FNDC3B: variants seen among roughly 807,000 people sequenced by gnomAD.
FNDC3B encodes the protein fibronectin type III domain-containing protein 3B.
FNDC3B carries 12 observed loss-of-function variants against 151.5 expected under a neutral mutation model. The observed-to-expected ratio is 0.08, with a 90% CI of 0.05 to 0.13. The LOEUF is 0.13. Among genes scored for constraint, FNDC3B ranks in the 10% least tolerant of loss-of-function variants. FNDC3B has a pLI of 1.00. For missense variants in FNDC3B, 1,214 were observed against 1,505.3 expected, an observed-to-expected ratio of 0.81 and a Z score of 3.20; for synonymous variants, 528 against 549.0, an observed-to-expected ratio of 0.96 and a Z score of 0.54.
intron 1 of FNDC3B, among the ~76,000 whole-genome samples, chr3:172,042,621 T>C (rs1369291773): frequency 1.3e-5 from 2 of 152,220 alleles, no homozygotes; most frequent in African/African-American, 4.8e-5. Context: ...CGATTTAGGT[T>C]GTGTTATGCA....
chr3:172,274,278 A>G (rs112827182), intron 6 of FNDC3B, among the ~76,000 whole-genome samples: 3,132 of 152,230 alleles, frequency 0.021, 50 homozygotes, highest in Non-Finnish European at 0.029. Flanking sequence ...TAATGTAATT[A>G]TTTTATCCTG....
At chr3:172,153,097 GGT>G (rs1722314437) in intron 3 of FNDC3B, among the ~76,000 whole-genome samples, 1 of 152,214 alleles carries the variant, frequency 6.6e-6, no homozygotes, top group Admixed American at 6.5e-5. Context: ...TGGTTGATGG[GGT>G]GTGCAGAATT....
chr3:172,277,247 A>G (rs1301077176), intron 6 of FNDC3B, among the ~76,000 whole-genome samples: 1 of 152,234 alleles, frequency 6.6e-6, no homozygotes, highest in Non-Finnish European at 1.5e-5. Flanking sequence ...GTGTTTTGCT[A>G]TAATTATAGC....
chr3:172,307,700 A>C (rs1196468105), intron 10 of FNDC3B, among the ~76,000 whole-genome samples, 199 bp downstream of exon 10: 3 of 152,112 alleles, frequency 2.0e-5, no homozygotes, highest in African/African-American at 7.2e-5. Context: ...GAGTTAATAT[A>C]AGGTCAGTCT....
chr3:172,130,547 C>A (rs1476393761), intron 2 of FNDC3B, among the ~76,000 whole-genome samples: 1 of 152,094 alleles, frequency 6.6e-6, no homozygotes, highest in East Asian at 1.9e-4. Context: ...TATAAGTGGA[C>A]CTTAGAGGCT....
intron 6 of FNDC3B, among the ~76,000 whole-genome samples, chr3:172,258,877 C>A (rs1189952353): frequency 6.6e-6 from 1 of 152,108 alleles, no homozygotes; most frequent in Non-Finnish European, 1.5e-5. Context: ...TGGCAGATTT[C>A]CTCTTTCTCT....
chr3:172,338,558 A>G (rs541882534), intron 16 of FNDC3B, among the ~76,000 whole-genome samples: 23 of 152,280 alleles, frequency 1.5e-4, no homozygotes, highest in African/African-American at 4.8e-4. Context: ...GTGGATTAAC[A>G]TGGGACAAAT....
chr3:172,110,876 C>T (rs1719926004), intron 1 of FNDC3B, among the ~76,000 whole-genome samples: 1 of 151,974 alleles, frequency 6.6e-6, no homozygotes, highest in African/African-American at 2.4e-5. Context: ...GGTGGATCAC[C>T]TGAGGTCATG....
chr3:172,100,836 G>A (rs1719344990), intron 1 of FNDC3B, among the ~76,000 whole-genome samples: 1 of 152,148 alleles, frequency 6.6e-6, no homozygotes, highest in Non-Finnish European at 1.5e-5. Context: ...GTTCTAAACT[G>A]ATTTTCAATG....
At chr3:172,139,950 T>G (rs999812464) in intron 3 of FNDC3B, among the ~76,000 whole-genome samples, 2 of 152,130 alleles carry the variant, frequency 1.3e-5, no homozygotes, top group African/African-American at 4.8e-5. Context: ...CATGAGCCAG[T>G]GTGCCTGTCC....
At chr3:172,186,464 G>A (rs1286640542) in intron 3 of FNDC3B, among the ~76,000 whole-genome samples, 1 of 152,148 alleles carries the variant, frequency 6.6e-6, no homozygotes, top group Non-Finnish European at 1.5e-5. Context: ...ACCACCATGG[G>A]ACTCAGTGAG....
chr3:172,374,558 C>T (rs1227106948), intron 23 of FNDC3B, among the ~76,000 whole-genome samples: 1 of 152,108 alleles, frequency 6.6e-6, no homozygotes, highest in Non-Finnish European at 1.5e-5. Context: ...CCACGCCTGG[C>T]TAATTTTTGT....
At chr3:172,298,951 G>A (rs890761218) in intron 9 of FNDC3B, among the ~76,000 whole-genome samples, 164 bp downstream of exon 9, 2 of 152,196 alleles carry the variant, frequency 1.3e-5, no homozygotes, top group African/African-American at 4.8e-5. Flanking sequence ...TCGTAACTGG[G>A]AAGACACAGA....
At chr3:172,146,371 AC>A (rs1431664922) in intron 3 of FNDC3B, among the ~76,000 whole-genome samples, 1 of 152,186 alleles carries the variant, frequency 6.6e-6, no homozygotes. Context: ...ATCCTTTTGC[AC>A]ATCAGAATTA....
At chr3:172,314,623 T>C (rs1317061422) in intron 11 of FNDC3B, among the ~76,000 whole-genome samples, 3 of 152,200 alleles carry the variant, frequency 2.0e-5, no homozygotes, top group African/African-American at 7.2e-5. Flanking sequence ...TAGAGTAAAA[T>C]TTTGAAAGTG....
chr3:172,188,586 T>C (rs1312575873), intron 3 of FNDC3B, among the ~76,000 whole-genome samples: 1 of 152,060 alleles, frequency 6.6e-6, no homozygotes, highest in East Asian at 1.9e-4. Context: ...TTTGTATTTT[T>C]GGTAGAGATG....
rs761172316 is a variant in FNDC3B, at chr3:172,335,011, A to G, written c.1709A>G (p.Asp570Gly). The G allele has an allele frequency of 1.6e-5, 26 of 1,613,758 alleles. No individual in the cohort carries two copies. Among genetic ancestry groups the G allele is most frequent in the Non-Finnish European group, 2.2e-5 (26 of 1,179,848 alleles). Residue 570 changes from aspartate to glycine, a missense_variant, in exon 15 of 26, where the codon GAC (aspartate) becomes GGC (glycine). Coordinates refer to ENST00000415807, the MANE Select transcript of FNDC3B (RefSeq NM_022763.4). The stretch of plus-strand genomic sequence containing the variant: ...GTTCTTGTTTGTACGACGAGTCCTG[A>G]CAGGCCTGGACCTCCTACCAGACCG... ...SEVLVCTTSP[D>G]RPGPPTRPLV...
chr3:172,345,054 T>TA (rs1282574732), intron 19 of FNDC3B, among the ~76,000 whole-genome samples: 1 of 152,136 alleles, frequency 6.6e-6, no homozygotes, highest in Non-Finnish European at 1.5e-5. Context: ...GATGATTTTT[T>TA]AAAAAAATAA....
chr3:172,371,449 C>T (rs999860258), intron 23 of FNDC3B, among the ~76,000 whole-genome samples: 1 of 152,150 alleles, frequency 6.6e-6, no homozygotes, highest in African/African-American at 2.4e-5. Flanking sequence ...AAATCACCAA[C>T]ATTAAAACTC....
Sources: gnomAD v4.1 joint callset for allele counts (sites outside exome capture counted in the v4.1 genomes callset) on GRCh38, gnomAD v4.1.1 for gene constraint, MANE v1.5 for transcripts, NCBI Gene and HGNC (gene_info 2026-07-23, HGNC 2026-07-21) for gene names.